BBX: variants seen among roughly 807,000 people sequenced by gnomAD.
BBX encodes HMG box transcription factor BBX.
A neutral mutation model predicts 100.2 loss-of-function variants in BBX; 30 were observed. That is an observed-to-expected ratio of 0.30 (90% CI 0.22 to 0.41). The LOEUF (loss-of-function observed/expected upper bound fraction) is 0.41, where lower values mean the gene tolerates loss of function less well. Ranked by LOEUF, BBX falls within the 10% of genes least tolerant of loss-of-function variation. The probability of loss-of-function intolerance (pLI) is 1.00; values close to 1 mark genes in which losing one functional copy is unlikely to be tolerated. For synonymous variants in BBX, 376 were observed against 388.1 expected, an observed-to-expected ratio of 0.97 and a Z score of 0.37; for missense variants, 1,023 against 1,129.8, an observed-to-expected ratio of 0.91 and a Z score of 1.35.
At chr3:107,704,933 G>A (rs2061306053) in intron 3 of BBX, among the ~76,000 whole-genome samples, 1 of 152,094 alleles carries the variant, frequency 6.6e-6, no homozygotes, top group African/African-American at 2.4e-5. Context: ...AGGATGAGAA[G>A]GACTTTCAGA....
intron 16 of BBX, 91 bp downstream of exon 16, chr3:107,798,811 A>T: frequency 8.0e-7 from 1 of 1,246,730 alleles, no homozygotes; most frequent in Non-Finnish European, 1.1e-6. Flanking sequence ...CCACAATGAA[A>T]TACACTAACA....
chr3:107,572,342 C>A (rs1038804424), intron 2 of BBX, among the ~76,000 whole-genome samples: 2 of 151,916 alleles, frequency 1.3e-5, no homozygotes, highest in Non-Finnish European at 2.9e-5. Context: ...ACTCTTTTTT[C>A]TTCTATTTAA....
At chr3:107,570,317 G>A (rs1439312954) in intron 2 of BBX, among the ~76,000 whole-genome samples, 2 of 152,218 alleles carry the variant, frequency 1.3e-5, no homozygotes, top group East Asian at 1.9e-4. Flanking sequence ...TTTGAGGGCC[G>A]GAATCTAATT....
chr3:107,607,212 T>C (rs1025702181), intron 2 of BBX, among the ~76,000 whole-genome samples: 1 of 152,134 alleles, frequency 6.6e-6, no homozygotes, highest in African/African-American at 2.4e-5. Flanking sequence ...TTCTCCTGCC[T>C]CAGCCTCCCG....
chr3:107,749,527 T>C (rs1249319455), intron 9 of BBX, among the ~76,000 whole-genome samples: 14 of 152,214 alleles, frequency 9.2e-5, no homozygotes, highest in Admixed American at 9.2e-4. Context: ...ACATATCCAT[T>C]GACTACCAAG....
intron 2 of BBX, among the ~76,000 whole-genome samples, chr3:107,584,255 T>G (rs2052644680): frequency 8.1e-6 from 1 of 123,914 alleles, no homozygotes; most frequent in African/African-American, 3.1e-5. Context: ...TAAATTATAC[T>G]TTATATATAA....
At chr3:107,644,734 A>C (rs2057415758) in intron 2 of BBX, among the ~76,000 whole-genome samples, 1 of 152,194 alleles carries the variant, frequency 6.6e-6, no homozygotes, top group Non-Finnish European at 1.5e-5. Flanking sequence ...GTTTTAAAAA[A>C]TATGGATGAA....
Position 107,660,976 on chromosome 3 carries a change from C to G in BBX, c.-10+15067C>G, listed in dbSNP as rs371620783. On this transcript the variant is annotated intron_variant, in intron 3 of 17. Coordinates refer to ENST00000325805, the MANE Select transcript of BBX (RefSeq NM_001142568.3). Reference sequence around the variant, plus strand: ...AAGAATTCATTGAAATGCAGAACATCAGTTTATCTTTCCAGTCAGCTGAAA... The same window carrying G: ...AAGAATTCATTGAAATGCAGAACATGAGTTTATCTTTCCAGTCAGCTGAAA... Among the ~76,000 whole-genome samples the G allele has an allele frequency of 5.9e-5, 9 of 152,258 alleles. No individual in the cohort carries two copies. In the East Asian group the frequency reaches 1.7e-3, roughly 29 times the overall value.
At chr3:107,800,529 A>C (rs2070329969) in intron 16 of BBX, among the ~76,000 whole-genome samples, 1 of 152,236 alleles carries the variant, frequency 6.6e-6, no homozygotes. Flanking sequence ...ACAGCATTTC[A>C]TCCACCTCTT....
chr3:107,798,772 G>T, intron 16 of BBX, 52 bp downstream of exon 16: 1 of 1,517,946 alleles, frequency 6.6e-7, no homozygotes, highest in Non-Finnish European at 9.1e-7. Context: ...AGCTTCCCTG[G>T]GCCACACTGG....
chr3:107,568,154 A>C (rs551083215), intron 2 of BBX, among the ~76,000 whole-genome samples: 2 of 151,054 alleles, frequency 1.3e-5, no homozygotes, highest in African/African-American at 4.9e-5. Context: ...TTTTTCATTG[A>C]TATGTTTTAG....
In BBX at chr3:107,546,111, C is replaced by A. The variant is rs16853598; in HGVS notation, c.-84+19713C>A. Among the ~76,000 whole-genome samples the A allele has an allele frequency of 8.7e-3, 1,327 of 152,260 alleles. 26 individuals are homozygous for A. The highest frequency in any genetic ancestry group is 0.03 in the African/African-American group (1,265 of 41,544). On this transcript the variant is annotated intron_variant, in intron 2 of 17. Transcript: ENST00000325805. ...ACTGTAATACACAACCTGTCCCAAG[C>A]TTTCATGCAGCTTCCTAGCTCGGAC...
chr3:107,778,641 T>C, intron 13 of BBX, 122 bp downstream of exon 13: 1 of 1,113,936 alleles, frequency 9.0e-7, no homozygotes, highest in Non-Finnish European at 1.3e-6. Flanking sequence ...GGAGTTAGAA[T>C]CTTAGGTTGC....
intron 2 of BBX, among the ~76,000 whole-genome samples, chr3:107,567,563 C>G (rs2051013393): frequency 6.6e-6 from 1 of 152,068 alleles, no homozygotes; most frequent in African/African-American, 2.4e-5. Context: ...GCTATACCTA[C>G]TTTTTAAATT....
At chr3:107,534,331 CAG>C (rs2107322659) in intron 2 of BBX, among the ~76,000 whole-genome samples, 1 of 152,276 alleles carries the variant, frequency 6.6e-6, no homozygotes, top group African/African-American at 2.4e-5. Flanking sequence ...TCATGGACTG[CAG>C]AGGGAATGTG....
intron 2 of BBX, among the ~76,000 whole-genome samples, chr3:107,613,543 G>A (rs575891113): frequency 2.0e-5 from 3 of 151,842 alleles, no homozygotes; most frequent in South Asian, 2.1e-4. Flanking sequence ...AAACTGTAAC[G>A]TATGACAAAT....
At chr3:107,772,266 A>G (rs2066966948) in intron 10 of BBX, among the ~76,000 whole-genome samples, 1 of 152,142 alleles carries the variant, frequency 6.6e-6, no homozygotes, top group Non-Finnish European at 1.5e-5. Context: ...TGAGGGGGTA[A>G]GTGATTCATT....
chr3:107,751,251 A>G (rs922605482), intron 9 of BBX, among the ~76,000 whole-genome samples: 3 of 152,332 alleles, frequency 2.0e-5, no homozygotes, highest in African/African-American at 4.8e-5. Context: ...TCCTGGTCCT[A>G]TTATATACAC....
chr3:107,578,504 T>C (rs35772758), intron 2 of BBX, among the ~76,000 whole-genome samples: 19,656 of 152,282 alleles, frequency 0.13, 1,502 homozygotes, highest in Middle Eastern at 0.2. Context: ...ATGAAAAATA[T>C]CACATACTAG....
Sources: allele counts gnomAD v4.1 joint callset (sites outside exome capture counted in the v4.1 genomes callset), GRCh38; gene constraint gnomAD v4.1.1; transcripts MANE v1.5; gene names NCBI Gene and HGNC (gene_info 2026-07-23, HGNC 2026-07-21).